DCT: variants seen among roughly 807,000 people sequenced by gnomAD.
The protein encoded by DCT is dopachrome tautomerase.
DCT carries 47 observed loss-of-function variants against 53.0 expected under a neutral mutation model. The ratio of observed to expected loss-of-function variants is 0.89; its 90% CI spans 0.70 to 1.13. DCT has a LOEUF of 1.13. Among genes scored for constraint, DCT ranks in the 50% most tolerant of loss-of-function variants. DCT has a pLI of 0.00. For missense variants in DCT, 669 were observed against 637.4 expected (o/e 1.05, Z -0.53); for synonymous variants, 244 against 237.0 (o/e 1.03, Z -0.27).
At chr13:94,454,490 T>C (rs1883287481) in intron 6 of DCT, among the ~76,000 whole-genome samples, 1 of 152,204 alleles carries the variant, frequency 6.6e-6, no homozygotes, top group African/African-American at 2.4e-5. Flanking sequence ...TTAGCATTTC[T>C]CTGGCCTAAT....
chr13:94,491,777 G>A, the DCT span, among the ~76,000 whole-genome samples: 1 of 152,178 alleles, frequency 6.6e-6, no homozygotes, highest in African/African-American at 2.4e-5. Context: ...CAAATTGGGT[G>A]TAGGGGAGTC....
the DCT span, among the ~76,000 whole-genome samples, chr13:94,516,083 T>C: frequency 8.8e-6 from 1 of 114,030 alleles, no homozygotes; most frequent in Non-Finnish European, 1.7e-5. Context: ...CCTCACCTCT[T>C]ATGGTGAGGA....
intron 6 of DCT, 29 bp downstream of exon 6, chr13:94,460,062 T>G: frequency 6.2e-7 from 1 of 1,606,920 alleles, no homozygotes; most frequent in South Asian, 1.1e-5. Context: ...TCTAGAAAAT[T>G]TTCATGCATT....
At chr13:94,490,517 A>C in the DCT span, among the ~76,000 whole-genome samples, 1 of 145,340 alleles carries the variant, frequency 6.9e-6, no homozygotes, top group Non-Finnish European at 1.5e-5. Context: ...AAAAAAAAAA[A>C]AAAAAAAAAA....
chr13:94,467,071 A>G (rs978782562), intron 2 of DCT: 1 of 153,262 alleles, frequency 6.5e-6, no homozygotes, highest in African/African-American at 2.4e-5. Context: ...ATATAAATTT[A>G]AAAGGGAGGG....
chr13:94,477,567 A>G (rs1015796175), intron 1 of DCT, among the ~76,000 whole-genome samples: 18 of 152,226 alleles, frequency 1.2e-4, no homozygotes, highest in African/African-American at 4.3e-4. Context: ...GACAGGATCA[A>G]TCATATCTCA....
the DCT span, among the ~76,000 whole-genome samples, chr13:94,528,351 G>A: frequency 6.6e-6 from 1 of 152,088 alleles, no homozygotes; most frequent in Non-Finnish European, 1.5e-5. Flanking sequence ...ATTCACTAAG[G>A]TTGAAATGAA....
the DCT span, among the ~76,000 whole-genome samples, chr13:94,532,811 C>A: frequency 4.6e-5 from 7 of 152,030 alleles, no homozygotes; most frequent in Admixed American, 4.6e-4. Flanking sequence ...AAATAAATGG[C>A]AATCCTTGAA....
intron 6 of DCT, among the ~76,000 whole-genome samples, chr13:94,450,182 G>A (rs76631301): frequency 2.6e-5 from 4 of 152,120 alleles, no homozygotes; most frequent in African/African-American, 7.2e-5. Flanking sequence ...CTCACCACAC[G>A]CTGAATCTGC....
At chr13:94,444,437 C>A (rs1448176522) in intron 6 of DCT, 3 of 515,136 alleles carry the variant, frequency 5.8e-6, no homozygotes, top group Non-Finnish European at 1.2e-5. Context: ...AAAAGAAAGT[C>A]TAAAAAGGTA....
intron 6 of DCT, among the ~76,000 whole-genome samples, chr13:94,444,957 A>G (rs934124386): frequency 1.3e-5 from 2 of 152,182 alleles, no homozygotes; most frequent in African/African-American, 2.4e-5. Context: ...AATGTTTACT[A>G]ACTATGTGTT....
chr13:94,476,776 T>C (rs1885118705), intron 1 of DCT, among the ~76,000 whole-genome samples: 1 of 152,184 alleles, frequency 6.6e-6, no homozygotes, highest in Non-Finnish European at 1.5e-5. Flanking sequence ...CACTTTTTCA[T>C]TGATTGACAT....
At chr13:94,521,277 A>C in the DCT span, among the ~76,000 whole-genome samples, 7 of 152,252 alleles carry the variant, frequency 4.6e-5, no homozygotes, top group African/African-American at 1.7e-4. Flanking sequence ...AGTACCTGGC[A>C]CTTCATGAGT....
the DCT span, among the ~76,000 whole-genome samples, chr13:94,537,640 A>T: frequency 2.6e-5 from 4 of 152,060 alleles, no homozygotes; most frequent in African/African-American, 9.7e-5. Context: ...TGAGAAAAAA[A>T]AACAAATAAA....
intron 6 of DCT, among the ~76,000 whole-genome samples, chr13:94,449,300 C>A (rs1480904203): frequency 6.6e-6 from 1 of 152,088 alleles, no homozygotes; most frequent in Non-Finnish European, 1.5e-5. Flanking sequence ...TATCAAAGGG[C>A]CTTAGCTTAA....
the DCT span, among the ~76,000 whole-genome samples, chr13:94,544,468 G>A: frequency 6.6e-6 from 1 of 152,156 alleles, no homozygotes; most frequent in Non-Finnish European, 1.5e-5. Flanking sequence ...TAGGAACACT[G>A]GAATTTACAG....
intron 6 of DCT, among the ~76,000 whole-genome samples, chr13:94,458,110 G>A (rs1027839139): frequency 2.6e-5 from 4 of 152,132 alleles, no homozygotes; most frequent in Admixed American, 2.6e-4. Context: ...GCTAATATGA[G>A]CATCTGCTGC....
chr13:94,460,925 G>A (rs1290801946), intron 5 of DCT, among the ~76,000 whole-genome samples: 1 of 152,170 alleles, frequency 6.6e-6, no homozygotes, highest in African/African-American at 2.4e-5. Context: ...TCTCTTAACT[G>A]TGTTTAAAGT....
the DCT span, among the ~76,000 whole-genome samples, chr13:94,521,742 C>A: frequency 3.1e-3 from 472 of 152,284 alleles, 2 homozygotes; most frequent in African/African-American, 0.011. Flanking sequence ...TTGTTGTTAA[C>A]AGCTTTATTA....
Sources: allele counts gnomAD v4.1 joint callset (sites outside exome capture counted in the v4.1 genomes callset), GRCh38; gene constraint gnomAD v4.1.1; transcripts MANE v1.5; gene names NCBI Gene and HGNC (gene_info 2026-07-23, HGNC 2026-07-21).